The following CCDC7 variants were observed in gnomAD, a reference collection of about 807,000 sequenced individuals.
The protein encoded by CCDC7 is coiled-coil domain-containing protein 7.
In CCDC7, 183 loss-of-function variants were observed where a neutral mutation model predicts 196.9. That is an observed-to-expected ratio of 0.93 (90% CI 0.82 to 1.05). The LOEUF (loss-of-function observed/expected upper bound fraction) is 1.05. CCDC7 is among the 50% of genes least tolerant of loss of function. The probability of loss-of-function intolerance (pLI) is 0.00; values close to 1 mark genes in which losing one functional copy is unlikely to be tolerated. For missense variants in CCDC7, 1,540 were observed against 1,482.2 expected (o/e 1.04, Z -0.64); for synonymous variants, 525 against 484.6 (o/e 1.08, Z -1.10).
intron 28 of CCDC7, among the ~76,000 whole-genome samples, chr10:32,761,905 A>G (rs527658340): frequency 6.6e-6 from 1 of 152,120 alleles, no homozygotes; most frequent in South Asian, 2.1e-4. Context: ...ATGGTGGAAT[A>G]GGAGGTTCCT....
intron 25 of CCDC7, among the ~76,000 whole-genome samples, chr10:32,713,729 TCTC>T (rs780265401): frequency 2.6e-5 from 4 of 152,178 alleles, no homozygotes; most frequent in Non-Finnish European, 5.9e-5. Context: ...ATCTCATAGA[TCTC>T]CTCTAGAAGG....
At chr10:32,811,690 A>G (rs2087151544) in intron 30 of CCDC7, among the ~76,000 whole-genome samples, 1 of 152,122 alleles carries the variant, frequency 6.6e-6, no homozygotes, top group South Asian at 2.1e-4. Context: ...CAAAAAATTG[A>G]AGAGGACGGA....
intron 18 of CCDC7, among the ~76,000 whole-genome samples, chr10:32,587,129 A>G (rs193018349): frequency 1.6e-4 from 25 of 152,298 alleles, no homozygotes; most frequent in Non-Finnish European, 3.1e-4. Context: ...AATTACATTC[A>G]CAGTGTTGTG....
intron 28 of CCDC7, among the ~76,000 whole-genome samples, chr10:32,729,738 ATTTATATTCTTCAAAAC>A (rs1323321266): frequency 6.6e-6 from 1 of 152,076 alleles, no homozygotes; most frequent in African/African-American, 2.4e-5. Flanking sequence ...TAAACTTTAA[ATTTATATTCTTCAAAAC>A]TTTATATTCT....
chr10:32,724,343 A>G (rs1446388461), intron 25 of CCDC7, among the ~76,000 whole-genome samples: 1 of 152,118 alleles, frequency 6.6e-6, no homozygotes, highest in Non-Finnish European at 1.5e-5. Context: ...TTTACTGGTC[A>G]ACTCTGCTCA....
chr10:32,656,225 G>A (rs1011784408), intron 20 of CCDC7, among the ~76,000 whole-genome samples: 2 of 152,278 alleles, frequency 1.3e-5, no homozygotes, highest in African/African-American at 4.8e-5. Context: ...AGATCCAGCA[G>A]TTCCATTTCT....
chr10:32,824,481 T>TA, intron 31 of CCDC7, 37 bp from the exon 33 acceptor site: 2 of 1,371,654 alleles, frequency 1.5e-6, no homozygotes, highest in Non-Finnish European at 2.1e-6. Flanking sequence ...ATATTTACAT[T>TA]AAAAAAGTGT....
intron 8 of CCDC7, among the ~76,000 whole-genome samples, chr10:32,480,363 C>G (rs913228453): frequency 9.9e-5 from 15 of 151,882 alleles, no homozygotes; most frequent in African/African-American, 3.6e-4. Flanking sequence ...TGCTCTGTTG[C>G]CCAGGCTGGA....
rs866488138 is a variant in CCDC7, at chr10:32,568,013, T to G, written c.1419+122T>G. The stretch of plus-strand genomic sequence containing the variant: ...TCATGCCTCTGTTTTTGGGTTTTTT[T>G]TTTTTTTTTTTTGAGATGGAGTCTT... On this transcript the variant is annotated intron_variant, in intron 15 of 41. Transcript: ENST00000639629. 33 of 1,103,394 alleles carry G rather than the reference T, an allele frequency of 3.0e-5. 1 individual carries two copies. The highest frequency in any genetic ancestry group is 3.3e-5 in the Admixed American group (1 of 30,602). 68.4% of individuals were successfully genotyped at this position (1,103,394 alleles called of 1,614,324 possible). A position where few individuals can be genotyped will look rare whatever the true frequency, so the allele number is the denominator to read the frequency against.
intron 18 of CCDC7, among the ~76,000 whole-genome samples, chr10:32,607,200 C>G (rs2061641658): frequency 6.6e-6 from 1 of 152,176 alleles, no homozygotes; most frequent in Admixed American, 6.5e-5. Context: ...TTGTAAGCAG[C>G]CCAAGGCCTC....
rs576974219 is a variant in CCDC7, at chr10:32,545,658, C to A, written c.1134+1357C>A. On this transcript the variant is annotated intron_variant, in intron 13 of 41. Coordinates refer to ENST00000639629, the Ensembl canonical transcript of CCDC7. ...CGGTGGCTTACGCCTGTAATACCAG[C>A]ACTTCGGGAGGCTGAGGCGGACAGA... is the stretch of plus-strand genomic sequence containing the variant. Among the ~76,000 whole-genome samples, 3 of 152,248 alleles carry A rather than the reference C, an allele frequency of 2.0e-5. No individual in the cohort carries two copies. In the South Asian group the frequency reaches 6.2e-4, roughly 32 times the overall value.
At chr10:32,789,961 G>T (rs1422718604) in intron 29 of CCDC7, among the ~76,000 whole-genome samples, 1 of 152,222 alleles carries the variant, frequency 6.6e-6, no homozygotes, top group African/African-American at 2.4e-5. Flanking sequence ...TAAAACTAGA[G>T]AATACATTTT....
intron 25 of CCDC7, among the ~76,000 whole-genome samples, chr10:32,714,765 AAAC>A (rs1443987750): frequency 1.3e-5 from 2 of 152,136 alleles, no homozygotes; most frequent in African/African-American, 4.8e-5. Flanking sequence ...CTCACAGTGT[AAAC>A]AAAGCTGCTG....
chr10:32,847,611 G>A (rs1056585660), intron 37 of CCDC7, among the ~76,000 whole-genome samples: 1 of 151,578 alleles, frequency 6.6e-6, no homozygotes, highest in African/African-American at 2.4e-5. Flanking sequence ...GCTACTTGGA[G>A]AGGCCAAGGC....
chr10:32,456,109 G>A (rs2034281274), intron 2 of CCDC7, 142 bp from the exon 4 acceptor site: 3 of 745,158 alleles, frequency 4.0e-6, no homozygotes, highest in Non-Finnish European at 3.9e-6. Flanking sequence ...GGCATTTGAA[G>A]CATGGCTTCT....
intron 28 of CCDC7, among the ~76,000 whole-genome samples, chr10:32,755,559 T>G (rs190109863): frequency 2.2e-4 from 33 of 152,084 alleles, no homozygotes; most frequent in Admixed American, 1.8e-3. Flanking sequence ...GAAGGAAAAC[T>G]AACAAACAGA....
At chr10:32,503,563 A>G (rs1367336320) in intron 9 of CCDC7, among the ~76,000 whole-genome samples, 3 of 152,168 alleles carry the variant, frequency 2.0e-5, no homozygotes, top group Admixed American at 6.5e-5. Context: ...TTTTACATCT[A>G]TATTCATCAG....
At chr10:32,519,219 C>G (rs1007789647) in intron 11 of CCDC7, among the ~76,000 whole-genome samples, 5 of 152,090 alleles carry the variant, frequency 3.3e-5, no homozygotes, top group African/African-American at 4.8e-5. Flanking sequence ...CTTTAGGTAT[C>G]ATGCCAAATA....
At chr10:32,744,957 A>T (rs923559375) in intron 28 of CCDC7, among the ~76,000 whole-genome samples, 1 of 152,184 alleles carries the variant, frequency 6.6e-6, no homozygotes, top group Admixed American at 6.5e-5. Flanking sequence ...TCCATTTTCT[A>T]TTTAGACCTA....
Sources: allele counts gnomAD v4.1 joint callset (sites outside exome capture counted in the v4.1 genomes callset), GRCh38; gene constraint gnomAD v4.1.1; transcripts MANE v1.5; gene names NCBI Gene and HGNC (gene_info 2026-07-23, HGNC 2026-07-21).